Variants in KRABD5 observed in about 807,000 individuals in gnomAD.
The protein encoded by KRABD5 is KRAB domain containing 5.
chr16:31,733,170 T>G, the KRABD5 span, among the ~76,000 whole-genome samples: 1 of 152,182 alleles, frequency 6.6e-6, no homozygotes, highest in Admixed American at 6.5e-5. Flanking sequence ...CTACGTGTTA[T>G]TCATCTGTAT....
chr16:31,733,690 C>T, the KRABD5 span: 5 of 452,254 alleles, frequency 1.1e-5, no homozygotes, highest in Non-Finnish European at 1.3e-5. Context: ...ACATAATGTC[C>T]TCAAGGTTTG....
At chr16:31,717,247 C>T in the KRABD5 span, among the ~76,000 whole-genome samples, 5 of 152,204 alleles carry the variant, frequency 3.3e-5, no homozygotes, top group African/African-American at 1.2e-4. Flanking sequence ...CTGCCTGCCT[C>T]GGCCTCCCAA....
chr16:31,758,347 T>G, the KRABD5 span: 1 of 152,170 alleles, frequency 6.6e-6, no homozygotes, highest in African/African-American at 2.4e-5. Context: ...GAATGAAATC[T>G]ACAATATTTA....
At chr16:31,748,146 C>A in the KRABD5 span, among the ~76,000 whole-genome samples, 5 of 152,062 alleles carry the variant, frequency 3.3e-5, no homozygotes, top group Non-Finnish European at 7.4e-5. Flanking sequence ...AGTCTTTAAT[C>A]CATCTTGAAT....
the KRABD5 span, among the ~76,000 whole-genome samples, chr16:31,727,995 A>G: frequency 6.6e-6 from 1 of 152,252 alleles, no homozygotes; most frequent in Non-Finnish European, 1.5e-5. Context: ...AGCTGGGACT[A>G]CAGGGGTGTA....
the KRABD5 span, chr16:31,753,784 C>T: frequency 6.6e-4 from 1,009 of 1,519,336 alleles, 1 homozygote; most frequent in Non-Finnish European, 8.1e-4. Flanking sequence ...TCTCATGATA[C>T]TCAAGGCCTC....
At chr16:31,758,165 C>A in the KRABD5 span, 1 of 151,982 alleles carries the variant, frequency 6.6e-6, no homozygotes, top group African/African-American at 2.4e-5. Context: ...GAAAAAAGTG[C>A]TTAATAAAAA....
the KRABD5 span, among the ~76,000 whole-genome samples, chr16:31,743,697 A>G: frequency 1.3e-5 from 2 of 152,176 alleles, no homozygotes; most frequent in African/African-American, 4.8e-5. Flanking sequence ...TATTTAATCT[A>G]TAAATTACTT....
chr16:31,750,979 C>T, the KRABD5 span, among the ~76,000 whole-genome samples: 25 of 152,156 alleles, frequency 1.6e-4, no homozygotes, highest in African/African-American at 5.8e-4. Context: ...AAGCTGGTCT[C>T]GAACTCCTGG....
At chr16:31,744,504 T>C in the KRABD5 span, among the ~76,000 whole-genome samples, 1 of 152,240 alleles carries the variant, frequency 6.6e-6, no homozygotes, top group Admixed American at 6.5e-5. Context: ...AGTTTTTTGA[T>C]GTGCTGCTGG....
At chr16:31,723,737 G>A in the KRABD5 span, among the ~76,000 whole-genome samples, 3 of 152,292 alleles carry the variant, frequency 2.0e-5, no homozygotes, top group Admixed American at 2.0e-4. Context: ...AAGTGTGTGA[G>A]GCGAGTGATG....
chr16:31,747,830 T>C, the KRABD5 span, among the ~76,000 whole-genome samples: 1 of 152,222 alleles, frequency 6.6e-6, no homozygotes, highest in Non-Finnish European at 1.5e-5. Flanking sequence ...CACTTTTTGA[T>C]GGGGTTGTTT....
the KRABD5 span, among the ~76,000 whole-genome samples, chr16:31,749,105 G>A: frequency 7.9e-5 from 12 of 152,226 alleles, no homozygotes; most frequent in South Asian, 2.1e-4. Flanking sequence ...CACCCCTCTC[G>A]CTAGGGGCTC....
At chr16:31,732,156 T>C in the KRABD5 span, among the ~76,000 whole-genome samples, 1 of 152,216 alleles carries the variant, frequency 6.6e-6, no homozygotes, top group East Asian at 1.9e-4. Flanking sequence ...AGCCTACCCT[T>C]CGGTTAAGGA....
At chr16:31,745,316 T>C in the KRABD5 span, among the ~76,000 whole-genome samples, 1 of 152,214 alleles carries the variant, frequency 6.6e-6, no homozygotes, top group African/African-American at 2.4e-5. Context: ...TCTGGTATGT[T>C]GTCTCTTTGT....
chr16:31,734,122 C>T, the KRABD5 span, among the ~76,000 whole-genome samples: 2 of 151,608 alleles, frequency 1.3e-5, no homozygotes, highest in African/African-American at 4.9e-5. Flanking sequence ...TTACGGAGTA[C>T]AATTATATAT....
At chr16:31,741,673 T>G in the KRABD5 span, among the ~76,000 whole-genome samples, 3 of 152,260 alleles carry the variant, frequency 2.0e-5, no homozygotes, top group East Asian at 3.9e-4. Context: ...TCTTGTTAAT[T>G]TAAATTTCAT....
the KRABD5 span, among the ~76,000 whole-genome samples, chr16:31,749,382 A>G: frequency 6.6e-6 from 1 of 152,198 alleles, no homozygotes; most frequent in Admixed American, 6.5e-5. Flanking sequence ...GGAGCTTAGC[A>G]TGTTATGCAG....
chr16:31,720,475 G>A, the KRABD5 span, among the ~76,000 whole-genome samples: 1 of 152,188 alleles, frequency 6.6e-6, no homozygotes, highest in Non-Finnish European at 1.5e-5. Flanking sequence ...AAGCTTGAGA[G>A]GGAATGCTTA....
Sources: gnomAD v4.1 joint callset for allele counts (sites outside exome capture counted in the v4.1 genomes callset) on GRCh38, gnomAD v4.1.1 for gene constraint, MANE v1.5 for transcripts, NCBI Gene and HGNC (gene_info 2026-07-23, HGNC 2026-07-21) for gene names.